Variants in CDS1 observed in about 807,000 individuals in gnomAD.
CDS1 encodes the protein phosphatidate cytidylyltransferase 1.
A neutral mutation model predicts 62.1 loss-of-function variants in CDS1; 41 were observed. The observed-to-expected ratio is 0.66, with a 90% CI of 0.51 to 0.86. The LOEUF (loss-of-function observed/expected upper bound fraction) is 0.86. Among genes scored for constraint, CDS1 ranks in the 40% least tolerant of loss-of-function variants. CDS1 has a pLI of 0.00. For synonymous variants in CDS1, 185 were observed against 192.6 expected (o/e 0.96, Z 0.32); for missense variants, 470 against 550.1 (o/e 0.85, Z 1.46).
chr4:84,612,921 G>A (rs1284697722), intron 3 of CDS1, among the ~76,000 whole-genome samples: 3 of 151,132 alleles, frequency 2.0e-5, no homozygotes, highest in Admixed American at 6.6e-5. Context: ...CCTGGGAGGT[G>A]GAGGTTGCAG....
intron 2 of CDS1, among the ~76,000 whole-genome samples, chr4:84,605,516 AC>A (rs573420580): frequency 7.9e-5 from 12 of 152,128 alleles, no homozygotes; most frequent in Non-Finnish European, 1.3e-4. Context: ...ATATTTTTTA[AC>A]CAATAGAACA....
chr4:84,616,234 A>G (rs184485100), intron 3 of CDS1, among the ~76,000 whole-genome samples: 18 of 152,368 alleles, frequency 1.2e-4, no homozygotes, highest in Admixed American at 5.9e-4. Context: ...AAGGACACTT[A>G]GATTTCCTCC....
intron 10 of CDS1, among the ~76,000 whole-genome samples, chr4:84,641,642 A>G (rs562453342): frequency 6.6e-6 from 1 of 152,216 alleles, no homozygotes; most frequent in Non-Finnish European, 1.5e-5. Flanking sequence ...TGCTGCTTCT[A>G]CAAATCAGTT....
intron 1 of CDS1, among the ~76,000 whole-genome samples, chr4:84,600,425 C>A (rs1372501678): frequency 6.6e-6 from 1 of 152,068 alleles, no homozygotes; most frequent in Non-Finnish European, 1.5e-5. Flanking sequence ...GAAATTTTTG[C>A]CTAACCAAGG....
intron 6 of CDS1, among the ~76,000 whole-genome samples, chr4:84,632,287 TTG>T (rs1724046074): frequency 6.6e-6 from 1 of 152,226 alleles, no homozygotes; most frequent in African/African-American, 2.4e-5. Context: ...ATGTATTATC[TTG>T]GTGGTTATGG....
chr4:84,619,487 C>T lies in CDS1; in HGVS notation c.534C>T (p.Phe178=). Residue 178 remains phenylalanine, a synonymous_variant, in exon 5 of 13, where the codon TTC becomes TTT. Transcript: ENST00000295887. ...TTCAAAGAGAAGAACAACTTCAGTT[C>T]CTCATTCGCTACCATAGATTTATAT... is the stretch of plus-strand genomic sequence containing the variant. ...TFVQREEQLQ[F]LIRYHRFISF... is the part of the protein sequence containing the mutation. The T allele has an allele frequency of 1.2e-6, 2 of 1,604,324 alleles. No homozygotes were observed. Among genetic ancestry groups the T allele is most frequent in the Non-Finnish European group, 1.7e-6 (2 of 1,173,266 alleles).
At chr4:84,604,423 T>C in intron 2 of CDS1, 53 bp downstream of exon 2, 2 of 1,569,570 alleles carry the variant, frequency 1.3e-6, no homozygotes, top group Non-Finnish European at 1.7e-6. Context: ...GGCTTTGAGG[T>C]TATCCTTGTC....
At chr4:84,615,168 GTTATT>G (rs1723449130) in intron 3 of CDS1, among the ~76,000 whole-genome samples, 1 of 152,068 alleles carries the variant, frequency 6.6e-6, no homozygotes, top group South Asian at 2.1e-4. Flanking sequence ...CTTCCTTGGT[GTTATT>G]TTGTGTTCCC....
chr4:84,646,067 G>T (rs1324055003), intron 12 of CDS1, among the ~76,000 whole-genome samples: 1 of 152,252 alleles, frequency 6.6e-6, no homozygotes, highest in South Asian at 2.1e-4. Context: ...TCTACTGGGG[G>T]CCCAGAAGGC....
chr4:84,609,332 T>C (rs1190740372), intron 2 of CDS1, 97 bp from the exon 3 acceptor site: 6 of 738,008 alleles, frequency 8.1e-6, no homozygotes, highest in Admixed American at 4.6e-5. Flanking sequence ...TAGAATCTTA[T>C]AGTTAAGGAA....
chr4:84,644,941 A>G (rs1464356952), intron 11 of CDS1, among the ~76,000 whole-genome samples: 1 of 152,194 alleles, frequency 6.6e-6, no homozygotes, highest in Non-Finnish European at 1.5e-5. Context: ...TTTTATTTAG[A>G]AAAAGTTTTA....
intron 1 of CDS1, among the ~76,000 whole-genome samples, chr4:84,596,542 C>A (rs911669024): frequency 6.6e-6 from 1 of 152,206 alleles, no homozygotes; most frequent in African/African-American, 2.4e-5. Context: ...CAGTCTTCCA[C>A]TTATAAGGAC....
At position 84,637,784 on chromosome 4, in the gene CDS1, G is replaced by A. The variant is rs1056809826; in HGVS notation, c.811-1140G>A. On this transcript the variant is annotated intron_variant, in intron 8 of 12. Coordinates refer to ENST00000295887, the MANE Select transcript of CDS1 (RefSeq NM_001263.4). The stretch of plus-strand genomic sequence containing the variant: ...TAATTGAACAGTTAACCCCTAAATC[G>A]ATATGATATGCATCAATTTAATTTG... Among the ~76,000 whole-genome samples, 8 of 152,264 alleles carry A rather than the reference G, an allele frequency of 5.3e-5. No homozygotes were observed. In the South Asian group the frequency reaches 1.5e-3, roughly 28 times the overall value.
rs182410859 is a variant in CDS1, at chr4:84,638,871, T to A, written c.811-53T>A. 615 of 498,308 alleles carry A rather than the reference T, an allele frequency of 1.2e-3. 2 individuals are homozygous for A. The highest frequency in any genetic ancestry group is 1.6e-3 in the Non-Finnish European group (451 of 286,328). The allele number at this position is 498,308 out of a possible 1,614,324, so 30.9% of individuals were successfully genotyped here. ...TTTATATATATATATATATATATAT[T>A]GTGAGTTTTGTGAGTGCAGTAAAGC... On this transcript the variant is annotated intron_variant, in intron 8 of 12. Transcript: ENST00000295887.
At chr4:84,585,540 A>G (rs953817337) in intron 1 of CDS1, among the ~76,000 whole-genome samples, 2 of 152,222 alleles carry the variant, frequency 1.3e-5, no homozygotes, top group Non-Finnish European at 2.9e-5. Flanking sequence ...TATTTGGTCA[A>G]TTCAAACTCA....
chr4:84,630,123 A>C (rs1329837985), intron 5 of CDS1, among the ~76,000 whole-genome samples: 2 of 152,182 alleles, frequency 1.3e-5, no homozygotes, highest in Non-Finnish European at 2.9e-5. Flanking sequence ...AAATTATGTT[A>C]TTACTTGAGC....
intron 1 of CDS1, among the ~76,000 whole-genome samples, chr4:84,596,223 G>T (rs967996956): frequency 6.6e-6 from 1 of 152,156 alleles, no homozygotes; most frequent in Non-Finnish European, 1.5e-5. Context: ...CACAAAATGG[G>T]CTGAGGAGCT....
At chr4:84,627,729 A>T (rs774155247) in intron 5 of CDS1, among the ~76,000 whole-genome samples, 39 of 152,190 alleles carry the variant, frequency 2.6e-4, no homozygotes, top group Non-Finnish European at 5.0e-4. Context: ...TGGACATATA[A>T]AACTAAGTTA....
chr4:84,583,841 T>G (rs1722334314), intron 1 of CDS1, among the ~76,000 whole-genome samples: 1 of 152,098 alleles, frequency 6.6e-6, no homozygotes, highest in Non-Finnish European at 1.5e-5. Context: ...AGGGAACCTG[T>G]CCTCCTAGGG....
Sources: gnomAD v4.1 joint callset for allele counts (sites outside exome capture counted in the v4.1 genomes callset) on GRCh38, gnomAD v4.1.1 for gene constraint, MANE v1.5 for transcripts, NCBI Gene and HGNC (gene_info 2026-07-23, HGNC 2026-07-21) for gene names.